Variants in SPATA31A6 observed in about 807,000 individuals in gnomAD.
The protein encoded by SPATA31A6 is SPATA31 subfamily A member 6, also known as spermatogenesis-associated protein 31A6.
SPATA31A6 carries 9 observed loss-of-function variants against 11.9 expected under a neutral mutation model. The ratio of observed to expected loss-of-function variants is 0.76; its 90% confidence interval spans 0.46 to 1.32. SPATA31A6 has a LOEUF of 1.32. SPATA31A6 is among the 40% of genes most tolerant of loss of function. SPATA31A6 has a pLI of 0.00. For missense variants in SPATA31A6, 855 were observed against 1,467.3 expected (o/e 0.58, Z 6.82); for synonymous variants, 314 against 572.1 (o/e 0.55, Z 6.44).
chr9:42,185,755 G>A lies in SPATA31A6; in HGVS notation c.308G>A (p.Ser103Asn). 3.3e-6 allele frequency: 4 copies of A among 1,208,092 alleles called. 1 individual carries two copies. The highest frequency in any genetic ancestry group is 4.5e-6 in the Non-Finnish European group (4 of 881,716). 74.8% of individuals were successfully genotyped at this position (1,208,092 alleles called of 1,614,324 possible). The stretch of plus-strand genomic sequence containing the variant: ...TCGGACCTTCTTTCACAACTGCAGA[G>A]GTGAGGCACTTCCCCTTCCCTGCAT... ...ETSDLLSQLQSLLGPHLDKGD... is the reference protein window; with the variant it reads ...ETSDLLSQLQNLLGPHLDKGD... Residue 103 changes from serine to asparagine, a missense_variant and splice_region_variant, in exon 3 of 4, where the codon AGC (serine) becomes AAC (asparagine). Physicochemically the swap from Ser to Asn is conservative, Grantham distance 46. Transcript: ENST00000332857.
chr9:42,187,018 C>A lies in SPATA31A6; in HGVS notation c.1316C>A (p.Thr439Asn), dbSNP rs758502070. 5 of 1,547,310 alleles carry A rather than the reference C, an allele frequency of 3.2e-6. No individual in the cohort carries two copies. The highest frequency in any genetic ancestry group is 3.5e-5 in the Admixed American group (2 of 57,252). The change falls in exon 4 of 4, where the codon ACT becomes AAT. Residue 439 changes from threonine to asparagine, a missense_variant. Coordinates refer to ENST00000332857, the MANE Select transcript of SPATA31A6 (RefSeq NM_001145196.1). ...ANAWVTDRSY[T>N]LQSPPFLFNE... is the part of the protein sequence containing the mutation. ...GCCTGGGTAACTGACAGGTCTTATACTTTACAGTCTCCTCCTTTCTTGTTC... is the reference window on the plus strand; with the variant it reads ...GCCTGGGTAACTGACAGGTCTTATAATTTACAGTCTCCTCCTTTCTTGTTC...
chr9:42,184,439 CTGTGTGTGTGTGTGTGTGTGTGTG>C (rs71364261), intron 1 of SPATA31A6, among the ~76,000 whole-genome samples: 1 of 101,986 alleles, frequency 9.8e-6, no homozygotes, highest in Non-Finnish European at 1.9e-5. Flanking sequence ...GAAAATCCCT[CTGTGTGTGTGTGTGTGTGTGTGTG>C]TGTGTGTGTG....
In SPATA31A6 at chr9:42,185,964, G is replaced by C. The variant is rs760534226; in HGVS notation, c.309-47G>C. ...GGCCCGAGCACCCACTCTGCCCTCC[G>C]GCCCCACCGGCTCCTGGCTGCAGCT... On this transcript the variant is annotated intron_variant, in intron 3 of 3. Transcript: ENST00000332857. 3.1e-5 allele frequency: 45 copies of C among 1,460,176 alleles called. 4 individuals are homozygous for C. The highest frequency in any genetic ancestry group is 3.9e-5 in the Non-Finnish European group (43 of 1,098,728). 90.5% of individuals were successfully genotyped at this position (1,460,176 alleles called of 1,614,324 possible). A position where few individuals can be genotyped will look rare whatever the true frequency, so the allele number is the denominator to read the frequency against.
chr9:42,184,237 G>T lies in SPATA31A6; in HGVS notation c.189+361G>T, dbSNP rs1432159718. On this transcript the variant is annotated intron_variant, in intron 1 of 3. Coordinates refer to ENST00000332857, the MANE Select transcript of SPATA31A6 (RefSeq NM_001145196.1). The stretch of plus-strand genomic sequence containing the variant: ...TCTGGGGCAGGTGGCTCAGGGCCCA[G>T]CCTCCCCTGTGTGGGGTGATCTGGG... Among the ~76,000 whole-genome samples the T allele has an allele frequency of 1.5e-5, 2 of 135,784 alleles. 1 individual carries two copies. The highest frequency in any genetic ancestry group is 5.9e-5 in the African/African-American group (2 of 33,698). 89.1% of individuals were successfully genotyped at this position (135,784 alleles called of 152,430 possible). A position where few individuals can be genotyped will look rare whatever the true frequency, so the allele number is the denominator to read the frequency against.
chr9:42,189,442 G>T lies in SPATA31A6; in HGVS notation c.3740G>T (p.Arg1247Met). 6.4e-7 allele frequency: 1 copy of T among 1,560,382 alleles called. No individual in the cohort carries two copies. The highest frequency in any genetic ancestry group is 8.6e-7 in the Non-Finnish European group (1 of 1,156,130). Residue 1247 changes from arginine to methionine, a missense_variant, in exon 4 of 4, where the codon AGG (arginine) becomes ATG (methionine). Coordinates refer to ENST00000332857, the MANE Select transcript of SPATA31A6 (RefSeq NM_001145196.1). ...GTCTGTGGGTTTCCCTGCAACCACA[G>T]GCACCTCTTCTACTCAGAACATGGC... ...APVCGFPCNH[R>M]HLFYSEHGRI...
intron 1 of SPATA31A6, 67 bp downstream of exon 1, chr9:42,183,943 T>A: frequency 6.6e-7 from 1 of 1,520,616 alleles, no homozygotes; most frequent in South Asian, 1.2e-5. Context: ...TTAGTTCCAC[T>A]TTTCCAAATC....
At chr9:42,184,974 G>T in intron 1 of SPATA31A6, 95 bp from the exon 2 acceptor site, 1 of 1,403,248 alleles carries the variant, frequency 7.1e-7, no homozygotes, top group South Asian at 1.3e-5. Context: ...GAGCAGAGAG[G>T]GAGAGCCAGT....
In SPATA31A6 at chr9:42,183,848, C is replaced by T. The variant is rs1829392614; in HGVS notation, c.161C>T (p.Pro54Leu). 9.8e-6 allele frequency: 15 copies of T among 1,532,650 alleles called. 2 individuals carry two copies. Among genetic ancestry groups the T allele is most frequent in the Non-Finnish European group, 1.2e-5 (14 of 1,137,770 alleles). The allele number at this position is 1,532,650 out of a possible 1,614,324, so 94.9% of individuals were successfully genotyped here. Residue 54 changes from proline to leucine, a missense_variant, in exon 1 of 4, where the codon CCA becomes CTA. Coordinates refer to ENST00000332857, the MANE Select transcript of SPATA31A6 (RefSeq NM_001145196.1). ...TTATCTTACTTCCATTGTGATGACC[C>T]ACCCTCACCATCGCCTGGGAAGAGA... ...PYLSYFHCDDPPSPSPGKRKC... is the reference protein window; with the variant it reads ...PYLSYFHCDDLPSPSPGKRKC...
chr9:42,188,811 G>C lies in SPATA31A6; in HGVS notation c.3109G>C (p.Val1037Leu). ...VVLLPDGQAS[V>L]VPHASENLVS... is the part of the protein sequence containing the mutation. Reference sequence around the variant, plus strand: ...GCTCCTTCCAGATGGGCAAGCATCTGTTGTGCCCCACGCTTCAGAGAATTT... The same window carrying C: ...GCTCCTTCCAGATGGGCAAGCATCTCTTGTGCCCCACGCTTCAGAGAATTT... The change falls in exon 4 of 4, where the codon GTT (valine) becomes CTT (leucine). Residue 1037 changes from valine (V) to leucine (L), a missense_variant. By Grantham distance (32) the Val-to-Leu change is conservative. Coordinates refer to ENST00000332857, the MANE Select transcript of SPATA31A6 (RefSeq NM_001145196.1). The C allele has an allele frequency of 4.6e-6, 7 of 1,524,666 alleles. 1 individual carries two copies. The South Asian group carries it at 8.0e-5, about 17-fold the overall frequency. 94.4% of individuals were successfully genotyped at this position (1,524,666 alleles called of 1,614,324 possible). A position where few individuals can be genotyped will look rare whatever the true frequency, so the allele number is the denominator to read the frequency against.
Position 42,184,149 on chromosome 9 carries a change from G to T in SPATA31A6, c.189+273G>T, listed in dbSNP as rs1829398286. The stretch of plus-strand genomic sequence containing the variant: ...ACCAGTGGACTCAGCACCAGTACCA[G>T]TCATGAGACTGGGGAGGTCTCTGTC... On this transcript the variant is annotated intron_variant, in intron 1 of 3. Transcript: ENST00000332857. 1.4e-5 allele frequency among the ~76,000 whole-genome samples: 2 copies of T among 138,008 alleles called. 1 individual carries two copies. The highest frequency in any genetic ancestry group is 3.1e-5 in the Non-Finnish European group (2 of 64,600). 90.5% of individuals were successfully genotyped at this position (138,008 alleles called of 152,430 possible).
Position 42,185,042 on chromosome 9 carries a change from G to T in SPATA31A6, c.190-27G>T, listed in dbSNP as rs761047315. On this transcript the variant is annotated intron_variant, in intron 1 of 3. Coordinates refer to ENST00000332857, the MANE Select transcript of SPATA31A6 (RefSeq NM_001145196.1). ...TCATCTTGTCTCTCCGCGTCATCTT[G>T]TCTCCGTACGTCATCATGTCTCCCA... 188 of 1,535,596 alleles carry T rather than the reference G, an allele frequency of 1.2e-4. 32 individuals are homozygous for T. Among genetic ancestry groups the T allele is most frequent in the Middle Eastern group, 1.8e-4 (1 of 5,512 alleles).
In SPATA31A6 at chr9:42,187,245, A is replaced by C. The variant is rs201545240; in HGVS notation, c.1543A>C (p.Lys515Gln). The C allele has an allele frequency of 2.0e-4, 305 of 1,542,720 alleles. 53 individuals carry two copies. The East Asian group carries it at 4.8e-3, about 24-fold the overall frequency. The change falls in exon 4 of 4, where the codon AAG (lysine) becomes CAG (glutamine). Residue 515 changes from lysine to glutamine, a missense_variant. Lys to Gln is a moderately conservative substitution (Grantham distance 53, BLOSUM62 1). Transcript: ENST00000332857. ...VLSPAFPSLI[K>Q]NTGVACPASQ... is the part of the protein sequence containing the mutation. ...ATCTCCTGCTTTTCCATCCCTGATT[A>C]AGAACACTGGAGTAGCTTGCCCTGC... is the stretch of plus-strand genomic sequence containing the variant.
At position 42,187,405 on chromosome 9, in the gene SPATA31A6, C is replaced by A. The variant is rs749180242; in HGVS notation, c.1703C>A (p.Ser568Tyr). 11 of 1,529,436 alleles carry A rather than the reference C, an allele frequency of 7.2e-6. 2 individuals are homozygous for A. The highest frequency in any genetic ancestry group is 9.7e-6 in the Non-Finnish European group (11 of 1,134,874). 94.7% of individuals were successfully genotyped at this position (1,529,436 alleles called of 1,614,324 possible). A position where few individuals can be genotyped will look rare whatever the true frequency, so the allele number is the denominator to read the frequency against. ...AAATCTCAGGACGTCTTTAGTGTCTCCACTCCTAACCTTCCCCAGGAAAGT... is the reference window on the plus strand; with the variant it reads ...AAATCTCAGGACGTCTTTAGTGTCTACACTCCTAACCTTCCCCAGGAAAGT... ...VQKSQDVFSV[S>Y]TPNLPQESLT... Residue 568 changes from serine to tyrosine, a missense_variant, in exon 4 of 4, where the codon TCC becomes TAC. Transcript: ENST00000332857.
chr9:42,184,000 A>C lies in SPATA31A6; in HGVS notation c.189+124A>C, dbSNP rs1395191958. 6.2e-6 allele frequency: 9 copies of C among 1,441,046 alleles called. 1 individual carries two copies. In the African/African-American group the frequency reaches 1.3e-4, roughly 21 times the overall value. The allele number at this position is 1,441,046 out of a possible 1,614,324, so 89.3% of individuals were successfully genotyped here. A position where few individuals can be genotyped will look rare whatever the true frequency, so the allele number is the denominator to read the frequency against. Reference sequence around the variant, plus strand: ...GGGAAGTCTCAGAAGAGACCAGAACATCATCCTTCCAGGGAGAGGCAGGGC... The same window carrying C: ...GGGAAGTCTCAGAAGAGACCAGAACCTCATCCTTCCAGGGAGAGGCAGGGC... On this transcript the variant is annotated intron_variant, in intron 1 of 3. Coordinates refer to ENST00000332857, the MANE Select transcript of SPATA31A6 (RefSeq NM_001145196.1).
At position 42,187,495 on chromosome 9, in the gene SPATA31A6, ACAT is replaced by A. The variant is rs1829482600; in HGVS notation, c.1794_1796del (p.His598_Ile599delinsGln). 1.3e-6 allele frequency: 2 copies of A among 1,512,468 alleles called. 1 individual carries two copies. The highest frequency in any genetic ancestry group is 3.4e-5 in the African/African-American group (2 of 58,786). 93.7% of individuals were successfully genotyped at this position (1,512,468 alleles called of 1,614,324 possible). A position where few individuals can be genotyped will look rare whatever the true frequency, so the allele number is the denominator to read the frequency against. ...GAACTCCGGAGACAACTGGAGCAACACATAAAAAAGTGGATCATCCAACACTGG... is the reference window on the plus strand; with the variant it reads ...GAACTCCGGAGACAACTGGAGCAACAAAAAAAGTGGATCATCCAACACTGG... On this transcript the variant is annotated inframe_deletion, in exon 4 of 4. Transcript: ENST00000332857.
intron 1 of SPATA31A6, among the ~76,000 whole-genome samples, chr9:42,184,084 C>T (rs1369840350): frequency 7.3e-6 from 1 of 137,530 alleles, no homozygotes. Context: ...GATCTCAGTC[C>T]ATCTGTGGGG....
chr9:42,186,798 T>G lies in SPATA31A6; in HGVS notation c.1096T>G (p.Leu366Val), dbSNP rs1210991198. Residue 366 changes from leucine (L) to valine (V), a missense_variant, in exon 4 of 4, where the codon TTG (leucine) becomes GTG (valine). Transcript: ENST00000332857. ...PEKHLNSLGN[L>V]AKSLDAEQDT... ...AAAGCACTTAAATTCTTTGGGGAAT[T>G]TGGCTAAATCATTGGATGCTGAGCA... The G allele has an allele frequency of 2.0e-6, 3 of 1,533,134 alleles. 1 individual carries two copies. The highest frequency in any genetic ancestry group is 1.5e-5 in the African/African-American group (1 of 65,410). 95.0% of individuals were successfully genotyped at this position (1,533,134 alleles called of 1,614,324 possible).
At position 42,183,678 on chromosome 9, in the gene SPATA31A6, G is replaced by C. The variant is rs746198291; in HGVS notation, c.-10G>C. 3 of 1,529,996 alleles carry C rather than the reference G, an allele frequency of 2.0e-6. No homozygotes were observed. The highest frequency in any genetic ancestry group is 2.4e-5 in the East Asian group (1 of 41,468). 94.8% of individuals were successfully genotyped at this position (1,529,996 alleles called of 1,614,324 possible). A position where few individuals can be genotyped will look rare whatever the true frequency, so the allele number is the denominator to read the frequency against. ...GAGCTCAGTTGCTTGAAAGCAACGT[G>C]CCTATTCACATGGAGAATCTTCCCT... On this transcript the variant is annotated 5_prime_UTR_variant, in exon 1 of 4. Coordinates refer to ENST00000332857, the MANE Select transcript of SPATA31A6 (RefSeq NM_001145196.1).
rs1339321724 is a variant in SPATA31A6, at chr9:42,185,861, G to A, written c.308+106G>A. 95 of 1,335,604 alleles carry A rather than the reference G, an allele frequency of 7.1e-5. 11 individuals carry two copies. Among genetic ancestry groups the A allele is most frequent in the Non-Finnish European group, 9.3e-5 (92 of 985,238 alleles). 82.7% of individuals were successfully genotyped at this position (1,335,604 alleles called of 1,614,324 possible). ...CTGGGATGGGGAGACCAGGGGGACA[G>A]AGGATGGGAGTAAAACCCTGGGGCG... is the stretch of plus-strand genomic sequence containing the variant. On this transcript the variant is annotated intron_variant, in intron 3 of 3. Transcript: ENST00000332857.
Sources: gnomAD v4.1 joint callset for allele counts (sites outside exome capture counted in the v4.1 genomes callset) on GRCh38, gnomAD v4.1.1 for gene constraint, MANE v1.5 for transcripts, NCBI Gene and HGNC (gene_info 2026-07-23, HGNC 2026-07-21) for gene names.